The following DNTTIP1 variants were observed in gnomAD, a reference collection of about 807,000 sequenced individuals.
DNTTIP1 encodes the protein deoxynucleotidyltransferase terminal-interacting protein 1.
A neutral mutation model predicts 52.9 loss-of-function variants in DNTTIP1; 22 were observed. The ratio of observed to expected loss-of-function variants is 0.42; its 90% confidence interval spans 0.30 to 0.59. The LOEUF (loss-of-function observed/expected upper bound fraction) is 0.59. Ranked by LOEUF, DNTTIP1 falls within the 20% of genes least tolerant of loss-of-function variation. The pLI is 0.22. For synonymous variants in DNTTIP1, 136 were observed against 155.1 expected (o/e 0.88, Z 0.92); for missense variants, 286 against 435.5 (o/e 0.66, Z 3.06).
At chr20:45,800,994 CAA>C (rs138893029) in intron 4 of DNTTIP1, 78 bp from the exon 5 acceptor site, 3,841 of 1,046,488 alleles carry the variant, frequency 3.7e-3, no homozygotes, top group East Asian at 4.2e-3. Context: ...ACTCTGTCTC[CAA>C]AAAAAAAAAA....
At chr20:45,802,771 C>T (rs576650790) in intron 7 of DNTTIP1, among the ~76,000 whole-genome samples, 1 of 152,198 alleles carries the variant, frequency 6.6e-6, no homozygotes, top group African/African-American at 2.4e-5. Flanking sequence ...GCTTTCAGTG[C>T]CCTAAAAATC....
rs567951433 is a variant in DNTTIP1 at position 45,805,968 on chromosome 20, G to C, written c.723+602G>C. Among the ~76,000 whole-genome samples, 69 of 151,766 alleles carry C rather than the reference G, an allele frequency of 4.5e-4. No individual in the cohort carries two copies. The South Asian group carries it at 0.014, about 30-fold the overall frequency. On this transcript the variant is annotated intron_variant, in intron 10 of 12. Transcript: ENST00000372622. ...ATGGTGGCTCATGCCTATAATTCCAGCTACTCAGGAGGCTGAGGCAGGAGA... is the reference window on the plus strand; with the variant it reads ...ATGGTGGCTCATGCCTATAATTCCACCTACTCAGGAGGCTGAGGCAGGAGA...
At position 45,800,692 on chromosome 20, in the gene DNTTIP1, AAAATATATATATATATATATATAT is replaced by A. The variant is rs57421970; in HGVS notation, c.373-380_373-357del. On this transcript the variant is annotated intron_variant, in intron 4 of 12. Coordinates refer to ENST00000372622, the MANE Select transcript of DNTTIP1 (RefSeq NM_052951.3). Reference sequence around the variant, plus strand: ...TCCATCTCAATTTAAAAAAAAAAAAAAAATATATATATATATATATATATATATATATATATATATATATATATA... The same window carrying A: ...TCCATCTCAATTTAAAAAAAAAAAAAATATATATATATATATATATATATA... Among the ~76,000 whole-genome samples the A allele has an allele frequency of 3.6e-3, 117 of 32,658 alleles. 10 individuals are homozygous for A. Among genetic ancestry groups the A allele is most frequent in the African/African-American group, 0.01 (89 of 8,766 alleles). 21.4% of individuals were successfully genotyped at this position (32,658 alleles called of 152,430 possible). A position where few individuals can be genotyped will look rare whatever the true frequency, so the allele number is the denominator to read the frequency against.
At position 45,791,964 on chromosome 20, in the gene DNTTIP1, C is replaced by A; in HGVS notation, c.-41C>A. ...TGACGTCACGGCGCCACTTTCCGGC[C>A]GGTGACAGAGTCCAGCGGAGTTGTG... is the stretch of plus-strand genomic sequence containing the variant. On this transcript the variant is annotated 5_prime_UTR_variant, in exon 1 of 13. Transcript: ENST00000372622. 3.3e-6 allele frequency: 4 copies of A among 1,199,736 alleles called. No homozygotes were observed. The highest frequency in any genetic ancestry group is 3.1e-6 in the Non-Finnish European group (3 of 955,362). The allele number at this position is 1,199,736 out of a possible 1,614,324, so 74.3% of individuals were successfully genotyped here.
At chr20:45,804,294 G>C (rs555824087) in intron 8 of DNTTIP1, among the ~76,000 whole-genome samples, 1 of 152,188 alleles carries the variant, frequency 6.6e-6, no homozygotes, top group South Asian at 2.1e-4. Context: ...CCTACACCCA[G>C]TCGAGTCCTG....
intron 4 of DNTTIP1, chr20:45,796,473 A>G: frequency 4.2e-6 from 2 of 470,678 alleles, no homozygotes; most frequent in Non-Finnish European, 8.8e-6. Context: ...TGGTGGATCA[A>G]GTTATCATGG....
chr20:45,794,554 TG>T (rs974780181), intron 3 of DNTTIP1, among the ~76,000 whole-genome samples: 2 of 152,124 alleles, frequency 1.3e-5, no homozygotes, highest in African/African-American at 4.8e-5. Flanking sequence ...TTTTTTTTGC[TG>T]ACCTCTTATA....
chr20:45,798,474 A>G (rs1981317623), intron 4 of DNTTIP1, among the ~76,000 whole-genome samples: 1 of 151,872 alleles, frequency 6.6e-6, no homozygotes, highest in Admixed American at 6.6e-5. Flanking sequence ...CTAAAACTTA[A>G]AGTATAATTT....
intron 4 of DNTTIP1, among the ~76,000 whole-genome samples, chr20:45,799,462 A>G (rs905289408): frequency 6.6e-5 from 10 of 152,178 alleles, no homozygotes; most frequent in African/African-American, 1.9e-4. Flanking sequence ...TTTCTTTGTC[A>G]AATGAGCCAG....
At chr20:45,801,616 C>T (rs1027502447) in intron 6 of DNTTIP1, among the ~76,000 whole-genome samples, 158 bp downstream of exon 6, 3 of 151,970 alleles carry the variant, frequency 2.0e-5, no homozygotes, top group Non-Finnish European at 4.4e-5. Flanking sequence ...TAGTGAGACC[C>T]TGTCTCTAAA....
At chr20:45,801,482 T>C in intron 6 of DNTTIP1, 24 bp downstream of exon 6, 1 of 1,613,860 alleles carries the variant, frequency 6.2e-7, no homozygotes, top group Non-Finnish European at 8.5e-7. Flanking sequence ...TTGTTTTGTT[T>C]TCTGGCTGAA....
Position 45,809,231 on chromosome 20 carries a change from G to A in DNTTIP1, c.795+46G>A, listed in dbSNP as rs1187489839. 1 of 1,581,190 alleles carries A rather than the reference G, an allele frequency of 6.3e-7. No homozygotes were observed. The highest frequency in any genetic ancestry group is 2.2e-5 in the East Asian group (1 of 44,642). On this transcript the variant is annotated intron_variant, in intron 11 of 12. Transcript: ENST00000372622. The surrounding 1 kb of genome is among the most constrained non-coding windows in gnomAD (Gnocchi z 4.2). ...CCACTGCCAGTGACCCACCCCACCTGGGAACCAGGATTTTGGCTGTGGGTG... is the reference window on the plus strand; with the variant it reads ...CCACTGCCAGTGACCCACCCCACCTAGGAACCAGGATTTTGGCTGTGGGTG...
chr20:45,802,485 A>C (rs931924037), intron 7 of DNTTIP1, among the ~76,000 whole-genome samples: 4 of 152,108 alleles, frequency 2.6e-5, no homozygotes, highest in Non-Finnish European at 5.9e-5. Context: ...TATTTTTTTA[A>C]GACTTAATTT....
chr20:45,806,799 C>G (rs916776405), intron 10 of DNTTIP1, among the ~76,000 whole-genome samples: 12 of 152,240 alleles, frequency 7.9e-5, no homozygotes, highest in African/African-American at 2.7e-4. Flanking sequence ...TGTCGTCACT[C>G]TTGCTATTCC....
intron 10 of DNTTIP1, among the ~76,000 whole-genome samples, chr20:45,808,353 A>G (rs1462440622): frequency 6.6e-6 from 1 of 151,838 alleles, no homozygotes; most frequent in East Asian, 1.9e-4. Context: ...CAATAAATAA[A>G]TAAACAGCCA....
chr20:45,805,114 C>T, intron 8 of DNTTIP1, 32 bp from the exon 9 acceptor site: 2 of 1,601,208 alleles, frequency 1.2e-6, no homozygotes, highest in Non-Finnish European at 1.7e-6. Context: ...GATTAAACTT[C>T]ACCCTCACGA....
chr20:45,811,330 C>A lies in DNTTIP1; in HGVS notation c.*135C>A. 1 of 872,988 alleles carries A rather than the reference C, an allele frequency of 1.1e-6. No homozygotes were observed. The highest frequency in any genetic ancestry group is 1.7e-6 in the Non-Finnish European group (1 of 581,534). The allele number at this position is 872,988 out of a possible 1,614,324, so 54.1% of individuals were successfully genotyped here. On this transcript the variant is annotated 3_prime_UTR_variant, in exon 13 of 13. Transcript: ENST00000372622. ...GTGCCTGAGCGAGTTTGTAGTGACTCACTGCACAGCACCCCCAGACTAGCA... is the reference window on the plus strand; with the variant it reads ...GTGCCTGAGCGAGTTTGTAGTGACTAACTGCACAGCACCCCCAGACTAGCA...
At chr20:45,793,863 G>T in intron 2 of DNTTIP1, 58 bp from the exon 3 acceptor site, 1 of 1,095,406 alleles carries the variant, frequency 9.1e-7, no homozygotes, top group Non-Finnish European at 1.3e-6. Flanking sequence ...AACTGGGGAG[G>T]CTGGGAAAGA....
intron 4 of DNTTIP1, among the ~76,000 whole-genome samples, chr20:45,800,789 T>C (rs1003855721): frequency 2.3e-5 from 3 of 130,754 alleles, no homozygotes; most frequent in African/African-American, 9.0e-5. Flanking sequence ...AGGTCAGGAG[T>C]TCAAGACCAG....
Sources: allele counts gnomAD v4.1 joint callset (sites outside exome capture counted in the v4.1 genomes callset), GRCh38; gene constraint gnomAD v4.1.1; non-coding constraint Gnocchi (gnomAD v3.1); transcripts MANE v1.5; gene names NCBI Gene and HGNC (gene_info 2026-07-23, HGNC 2026-07-21).